The following ERAP1 variants were observed in gnomAD, a reference collection of about 807,000 sequenced individuals.
ERAP1 encodes adipocyte-derived leucine aminopeptidase.
A neutral mutation model predicts 103.7 loss-of-function variants in ERAP1; 86 were observed. The ratio of observed to expected loss-of-function variants is 0.83; its 90% CI spans 0.70 to 0.99. The LOEUF is 0.99. ERAP1 is among the 50% of genes least tolerant of loss of function. The pLI is 0.00. For synonymous variants in ERAP1, 398 were observed against 402.4 expected (o/e 0.99, Z 0.13); for missense variants, 1,009 against 1,128.4 (o/e 0.89, Z 1.52).
the ERAP1 span, among the ~76,000 whole-genome samples, chr5:96,829,179 G>T: frequency 6.6e-6 from 1 of 152,126 alleles, no homozygotes; most frequent in Non-Finnish European, 1.5e-5. Context: ...AATAAACTGT[G>T]CAGTCCCCTA....
intron 11 of ERAP1, 136 bp downstream of exon 11, chr5:96,788,395 C>G: frequency 1.8e-6 from 2 of 1,088,068 alleles, no homozygotes; most frequent in Non-Finnish European, 2.7e-6. Flanking sequence ...GAGTATAAGT[C>G]AACTTCATAG....
the ERAP1 span, among the ~76,000 whole-genome samples, chr5:96,865,833 T>A: frequency 1.3e-5 from 2 of 152,172 alleles, no homozygotes; most frequent in Non-Finnish European, 2.9e-5. Context: ...TATGGTCAAA[T>A]AAGATAGGTC....
the ERAP1 span, among the ~76,000 whole-genome samples, chr5:96,836,344 G>A: frequency 2.0e-5 from 3 of 152,158 alleles, no homozygotes; most frequent in Non-Finnish European, 4.4e-5. Context: ...TGGGACTACA[G>A]GCCTGAGCCA....
At chr5:96,881,795 A>G in the ERAP1 span, among the ~76,000 whole-genome samples, 1 of 152,150 alleles carries the variant, frequency 6.6e-6, no homozygotes, top group Admixed American at 6.5e-5. Flanking sequence ...TAAGGGCAAA[A>G]AGAAACATTC....
chr5:96,893,549 A>G, the ERAP1 span, among the ~76,000 whole-genome samples: 1 of 152,054 alleles, frequency 6.6e-6, no homozygotes, highest in Non-Finnish European at 1.5e-5. Flanking sequence ...GAGTCTGGGG[A>G]TTTCTAATCT....
chr5:96,813,328 G>A, the ERAP1 span, among the ~76,000 whole-genome samples: 1 of 152,076 alleles, frequency 6.6e-6, no homozygotes, highest in African/African-American at 2.4e-5. Flanking sequence ...AATTTTAAGA[G>A]TAGTCTAATA....
chr5:96,790,525 T>A lies in ERAP1; in HGVS notation c.1439A>T (p.Asp480Val), dbSNP rs988430096. ...YKNTKNEDLWDSMASICPTDG... is the reference protein window; with the variant it reads ...YKNTKNEDLWVSMASICPTDG... ...AAACATACTCACACTTGCCATACTA[T>A]CCCACAGGTCCTCGTTTTTTGTATT... Residue 480 changes from aspartate to valine, a missense_variant, in exon 9 of 19, where the codon GAT (aspartate) becomes GTT (valine). By Grantham distance (152) the Asp-to-Val change is radical. This residue lies in a region of ERAP1 where 611 missense variants were observed against 651.7 expected (regional missense o/e 0.94). Coordinates refer to ENST00000443439, the MANE Select transcript of ERAP1 (RefSeq NM_001040458.3). The A allele has an allele frequency of 6.2e-7, 1 of 1,613,952 alleles. No individual in the cohort carries two copies. The highest frequency in any genetic ancestry group is 8.5e-7 in the Non-Finnish European group (1 of 1,179,894).
the ERAP1 span, chr5:96,873,246 A>T: frequency 2.4e-6 from 1 of 413,550 alleles, no homozygotes; most frequent in Non-Finnish European, 4.9e-6. Flanking sequence ...ATAAAGTCTC[A>T]TCTCTTTGGA....
At chr5:96,771,677 TAAAGA>T, downstream of ERAP1, 1 of 1,610,970 alleles carries the variant, frequency 6.2e-7, no homozygotes, top group East Asian at 2.2e-5. Flanking sequence ...AAAAGATGAC[TAAAGA>T]AATACAAGTT....
chr5:96,819,138 A>G, the ERAP1 span, among the ~76,000 whole-genome samples: 1 of 151,960 alleles, frequency 6.6e-6, no homozygotes, highest in African/African-American at 2.4e-5. Flanking sequence ...GTTGGCCAGG[A>G]TGGTCTCAAT....
the ERAP1 span, among the ~76,000 whole-genome samples, chr5:96,843,998 T>G: frequency 3.3e-5 from 5 of 152,198 alleles, no homozygotes; most frequent in African/African-American, 1.2e-4. Flanking sequence ...TTGCTTACCC[T>G]TGCCTTTAAA....
intron 19 of ERAP1, among the ~76,000 whole-genome samples, chr5:96,764,089 A>G (rs1768960582): frequency 6.6e-6 from 1 of 152,216 alleles, no homozygotes; most frequent in Admixed American, 6.5e-5. Flanking sequence ...AGAGTTCAGC[A>G]TGGTGTCTTA....
At chr5:96,790,224 C>T in intron 10 of ERAP1, 72 bp downstream of exon 10, 1 of 1,403,974 alleles carries the variant, frequency 7.1e-7, no homozygotes, top group Middle Eastern at 1.8e-4. Flanking sequence ...AAGTTTGGCA[C>T]AGAGCTGCCT....
chr5:96,788,404 A>T, intron 11 of ERAP1, 127 bp downstream of exon 11: 1 of 1,154,660 alleles, frequency 8.7e-7, no homozygotes, highest in Non-Finnish European at 1.3e-6. Flanking sequence ...TCAACTTCAT[A>T]GGATACACAG....
At chr5:96,790,858 T>TG (rs780498983) in intron 8 of ERAP1, among the ~76,000 whole-genome samples, 1 of 152,226 alleles carries the variant, frequency 6.6e-6, no homozygotes, top group Non-Finnish European at 1.5e-5. Context: ...CTGAGCCCAC[T>TG]GAGGCCCTTA....
rs748295247 is a variant in ERAP1 at position 96,766,072 on chromosome 5, A to G, written c.2819-2844T>C. 3.7e-5 allele frequency: 59 copies of G among 1,606,120 alleles called. 1 individual carries two copies. The South Asian group carries it at 6.3e-4, about 17-fold the overall frequency. On this transcript the variant is annotated intron_variant, in intron 19 of 19. Transcript: ENST00000296754. Reference sequence around the variant, plus strand: ...ATATAGGAAAAAGCTAAAGCTGAACATAGAGACAAGCTTGGAGAAAGAGAT... The same window carrying G: ...ATATAGGAAAAAGCTAAAGCTGAACGTAGAGACAAGCTTGGAGAAAGAGAT...
At chr5:96,914,342 C>T in the ERAP1 span, among the ~76,000 whole-genome samples, 15 of 152,258 alleles carry the variant, frequency 9.9e-5, 1 homozygote, top group South Asian at 1.0e-3. Context: ...ATTTCATAGC[C>T]GTGGAAGGTT....
chr5:96,892,600 G>A, the ERAP1 span: 1 of 854,920 alleles, frequency 1.2e-6, no homozygotes, highest in Non-Finnish European at 1.8e-6. Flanking sequence ...ACGTCAAGTA[G>A]CACAGTACTC....
chr5:96,858,775 A>G, the ERAP1 span, among the ~76,000 whole-genome samples: 2 of 152,158 alleles, frequency 1.3e-5, no homozygotes, highest in African/African-American at 2.4e-5. Context: ...GTATGTAAAT[A>G]GATAGTTACT....
Sources: allele counts gnomAD v4.1 joint callset (sites outside exome capture counted in the v4.1 genomes callset), GRCh38; gene constraint gnomAD v4.1.1; regional missense constraint gnomAD v4.1.1; transcripts MANE v1.5; gene names NCBI Gene and HGNC (gene_info 2026-07-23, HGNC 2026-07-21).